The following PTGFR variants were observed in gnomAD, a reference collection of about 807,000 sequenced individuals.
The protein encoded by PTGFR is prostaglandin F2-alpha receptor.
PTGFR carries 15 observed loss-of-function variants against 26.2 expected under a neutral mutation model. That is an observed-to-expected ratio of 0.57 (90% CI 0.38 to 0.88). The LOEUF (loss-of-function observed/expected upper bound fraction) is 0.88. Among genes scored for constraint, PTGFR ranks in the 40% least tolerant of loss-of-function variants. PTGFR has a pLI of 0.00. For synonymous variants in PTGFR, 165 were observed against 151.1 expected (o/e 1.09, Z -0.68); for missense variants, 369 against 427.2 (o/e 0.86, Z 1.20).
In PTGFR at chr1:78,538,184, C is replaced by T. The variant is rs190962668; in HGVS notation, c.*1497C>T. 2 of 152,160 alleles carry T rather than the reference C, an allele frequency of 1.3e-5. No individual in the cohort carries two copies. The highest frequency in any genetic ancestry group is 2.9e-5 in the Non-Finnish European group (2 of 67,980). The allele number at this position is 152,160 out of a possible 1,614,324, so 9.4% of individuals were successfully genotyped here. A position where few individuals can be genotyped will look rare whatever the true frequency, so the allele number is the denominator to read the frequency against. ...GTCTTGTGAACAGAGATATAAGGAA[C>T]CATTCTCCATCCTTCCTTATCATGC... On this transcript the variant is annotated 3_prime_UTR_variant, in exon 3 of 3. Transcript: ENST00000370757.
intron 2 of PTGFR, among the ~76,000 whole-genome samples, chr1:78,520,087 T>C (rs1650186540): frequency 6.6e-6 from 1 of 152,070 alleles, no homozygotes; most frequent in Admixed American, 6.6e-5. Flanking sequence ...TAAGGTCAAT[T>C]CTCCTCTAAG....
intron 2 of PTGFR, among the ~76,000 whole-genome samples, chr1:78,535,898 A>G (rs1650638066): frequency 6.6e-6 from 1 of 152,208 alleles, no homozygotes; most frequent in African/African-American, 2.4e-5. Context: ...AGAAAGGGAA[A>G]TAGAAAATTG....
intron 2 of PTGFR, among the ~76,000 whole-genome samples, chr1:78,511,872 C>T (rs942530165): frequency 3.9e-5 from 6 of 152,266 alleles, no homozygotes; most frequent in Admixed American, 1.3e-4. Context: ...GCAGCCATGC[C>T]ACATCTTGAA....
chr1:78,499,390 C>G (rs74091501), intron 2 of PTGFR, among the ~76,000 whole-genome samples: 1 of 152,216 alleles, frequency 6.6e-6, no homozygotes, highest in Non-Finnish European at 1.5e-5. Context: ...GCCCCTAGCA[C>G]GTAAGCTCCT....
At chr1:78,520,955 G>A (rs1053811584) in intron 2 of PTGFR, among the ~76,000 whole-genome samples, 39 of 152,032 alleles carry the variant, frequency 2.6e-4, no homozygotes, top group Non-Finnish European at 5.1e-4. Context: ...TCACATGCTT[G>A]CAACAACTCT....
At chr1:78,510,473 A>G (rs899297118) in intron 2 of PTGFR, among the ~76,000 whole-genome samples, 2 of 152,132 alleles carry the variant, frequency 1.3e-5, no homozygotes, top group Non-Finnish European at 2.9e-5. Context: ...AGATCTCATG[A>G]GAACTCAGAG....
intron 1 of PTGFR, 32 bp from the exon 2 acceptor site, chr1:78,492,640 G>C: frequency 9.1e-7 from 1 of 1,101,808 alleles, no homozygotes; most frequent in Non-Finnish European, 1.3e-6. Context: ...CAGTAATGCG[G>C]TGTTCATAAT....
intron 2 of PTGFR, chr1:78,532,153 CA>C: frequency 2.7e-6 from 1 of 371,612 alleles, no homozygotes. Flanking sequence ...ATAAGAAAAA[CA>C]AATAACTAGA....
intron 2 of PTGFR, among the ~76,000 whole-genome samples, chr1:78,519,087 A>C (rs1265657): frequency 0.028 from 4,255 of 152,250 alleles, 201 homozygotes; most frequent in African/African-American, 0.097. Context: ...TAAGGCACTT[A>C]CTATATGCAA....
intron 1 of PTGFR, 102 bp downstream of exon 1, chr1:78,491,338 G>T: frequency 6.5e-6 from 1 of 152,734 alleles, no homozygotes; most frequent in South Asian, 2.1e-4. Flanking sequence ...AGCTTCTGCT[G>T]GCTGAGCCTG....
chr1:78,515,300 A>G (rs1650067904), intron 2 of PTGFR, among the ~76,000 whole-genome samples: 1 of 152,132 alleles, frequency 6.6e-6, no homozygotes, highest in Non-Finnish European at 1.5e-5. Context: ...CAACCTGAAG[A>G]GGGGAGGGGG....
At chr1:78,497,862 C>T in intron 2 of PTGFR, 6 of 1,553,902 alleles carry the variant, frequency 3.9e-6, no homozygotes, top group Non-Finnish European at 5.3e-6. Flanking sequence ...GTTTGTTTTA[C>T]CTTCTCTTCA....
intron 2 of PTGFR, among the ~76,000 whole-genome samples, chr1:78,503,121 G>A (rs1649749682): frequency 6.6e-6 from 1 of 152,034 alleles, no homozygotes; most frequent in Admixed American, 6.6e-5. Context: ...AAAATGAGAA[G>A]AGAAACTCTT....
chr1:78,532,625 G>A (rs2100401741), intron 2 of PTGFR, among the ~76,000 whole-genome samples: 1 of 151,014 alleles, frequency 6.6e-6, no homozygotes, highest in African/African-American at 2.4e-5. Context: ...GAATGCAGTG[G>A]TGTGTGATCT....
Position 78,540,022 on chromosome 1 carries a change from A to T in PTGFR, c.*3335A>T, listed in dbSNP as rs1375149368. The stretch of plus-strand genomic sequence containing the variant: ...GAAAAGCCTCAATGTGTCTGTAATA[A>T]GAAACAATCTCCAAATTACAGCGCC... On this transcript the variant is annotated 3_prime_UTR_variant, in exon 3 of 3. Coordinates refer to ENST00000370757, the MANE Select transcript of PTGFR (RefSeq NM_000959.4). 2.0e-5 allele frequency among the ~76,000 whole-genome samples: 3 copies of T among 151,992 alleles called. No homozygotes were observed. Among genetic ancestry groups the T allele is most frequent in the African/African-American group, 7.2e-5 (3 of 41,418 alleles).
chr1:78,535,304 A>G (rs1650619354), intron 2 of PTGFR, among the ~76,000 whole-genome samples: 1 of 151,944 alleles, frequency 6.6e-6, no homozygotes, highest in Admixed American at 6.6e-5. Context: ...GAGAGATGAG[A>G]TTATAGAAAT....
At position 78,493,359 on chromosome 1, in the gene PTGFR, TC is replaced by T; in HGVS notation, c.617del (p.Ser206PhefsTer6). ...AGATAGATTTTATCTTCTACTTTTT[TC>T]TTTTCTGGGGCTCTTAGCCCTTGGT... ...WEDRFYLLLF[S>X]FLGLLALGVS... is the part of the protein sequence containing the mutation. On this transcript the variant is annotated frameshift_variant, in exon 2 of 3. Transcript: ENST00000370757. LOFTEE classifies it high-confidence loss of function. The T allele has an allele frequency of 6.2e-7, 1 of 1,614,076 alleles. No homozygotes were observed. The highest frequency in any genetic ancestry group is 8.5e-7 in the Non-Finnish European group (1 of 1,180,006).
At chr1:78,499,635 A>G (rs1393482661) in intron 2 of PTGFR, among the ~76,000 whole-genome samples, 1 of 152,220 alleles carries the variant, frequency 6.6e-6, no homozygotes, top group African/African-American at 2.4e-5. Flanking sequence ...TCTGAGAGGG[A>G]GAAATTCTGT....
intron 2 of PTGFR, among the ~76,000 whole-genome samples, chr1:78,520,885 G>A (rs902800623): frequency 6.6e-6 from 1 of 152,054 alleles, no homozygotes; most frequent in Admixed American, 6.6e-5. Context: ...AGTTCCATGA[G>A]GGACTTTTAA....
Sources: gnomAD v4.1 joint callset for allele counts (sites outside exome capture counted in the v4.1 genomes callset) on GRCh38, gnomAD v4.1.1 for gene constraint, MANE v1.5 for transcripts, NCBI Gene and HGNC (gene_info 2026-07-23, HGNC 2026-07-21) for gene names.